The following DDR2 variants were observed in gnomAD, a reference collection of about 807,000 sequenced individuals.
DDR2 encodes discoidin domain-containing receptor 2.
In DDR2, 27 loss-of-function variants were observed where a neutral mutation model predicts 94.9. The observed-to-expected ratio is 0.28, with a 90% CI of 0.21 to 0.39. The LOEUF is 0.39. Among genes scored for constraint, DDR2 ranks in the 10% least tolerant of loss-of-function variants. The probability of loss-of-function intolerance (pLI) is 1.00; values close to 1 mark genes in which losing one functional copy is unlikely to be tolerated. For missense variants in DDR2, 783 were observed against 1,076.0 expected (o/e 0.73, Z 3.81); for synonymous variants, 382 against 377.2 (o/e 1.01, Z -0.15).
intron 1 of DDR2, among the ~76,000 whole-genome samples, chr1:162,642,397 C>G (rs576812031): frequency 2.0e-5 from 3 of 151,918 alleles, no homozygotes; most frequent in South Asian, 4.2e-4. Flanking sequence ...CTCAGCCTCC[C>G]GAGTAGCTGG....
intron 2 of DDR2, among the ~76,000 whole-genome samples, chr1:162,698,293 G>A (rs1279627859): frequency 6.6e-6 from 1 of 152,110 alleles, no homozygotes; most frequent in African/African-American, 2.4e-5. Context: ...TCAGGTAGAC[G>A]CCCTCCTTAC....
intron 14 of DDR2, 21 bp downstream of exon 14, chr1:162,773,617 A>G (rs778124648): frequency 1.6e-5 from 26 of 1,613,254 alleles, no homozygotes; most frequent in Non-Finnish European, 2.2e-5. Context: ...TACATTTTGA[A>G]TTTTCCTTTA....
chr1:162,734,477 A>G (rs1662203174), intron 3 of DDR2, among the ~76,000 whole-genome samples: 1 of 152,230 alleles, frequency 6.6e-6, no homozygotes, highest in Admixed American at 6.5e-5. Context: ...GGCAGACCAA[A>G]ATTAAACAAT....
chr1:162,750,776 T>C (rs1440056886), intron 3 of DDR2, among the ~76,000 whole-genome samples: 13 of 152,190 alleles, frequency 8.5e-5, no homozygotes, highest in Admixed American at 2.0e-4. Context: ...CAAAACAGCA[T>C]GGTACTGGTA....
intron 3 of DDR2, among the ~76,000 whole-genome samples, chr1:162,750,007 G>A (rs1663100109): frequency 6.6e-6 from 1 of 150,974 alleles, no homozygotes; most frequent in South Asian, 2.1e-4. Flanking sequence ...GATGGTAAGA[G>A]CTATTTATGA....
At chr1:162,722,247 G>T (rs1004681482) in intron 3 of DDR2, among the ~76,000 whole-genome samples, 4 of 152,190 alleles carry the variant, frequency 2.6e-5, no homozygotes, top group Non-Finnish European at 5.9e-5. Flanking sequence ...GGCAAAGCAG[G>T]CAGTCAGGCA....
At chr1:162,706,684 T>G (rs893547395) in intron 2 of DDR2, among the ~76,000 whole-genome samples, 1 of 152,014 alleles carries the variant, frequency 6.6e-6, no homozygotes, top group Non-Finnish European at 1.5e-5. Context: ...GGCCAGAAAG[T>G]GGAGAGGAGC....
chr1:162,728,165 TATAG>T (rs1429370492), intron 3 of DDR2, among the ~76,000 whole-genome samples: 5 of 145,410 alleles, frequency 3.4e-5, no homozygotes, highest in South Asian at 2.1e-4. Flanking sequence ...TATATAAATA[TATAG>T]ATAGATATCT....
At chr1:162,636,800 G>A (rs990867909) in intron 1 of DDR2, among the ~76,000 whole-genome samples, 1 of 152,092 alleles carries the variant, frequency 6.6e-6, no homozygotes, top group African/African-American at 2.4e-5. Flanking sequence ...AGCTTAGGTA[G>A]CCAAAATAAT....
At chr1:162,668,742 A>G (rs1658697433) in intron 2 of DDR2, among the ~76,000 whole-genome samples, 1 of 152,208 alleles carries the variant, frequency 6.6e-6, no homozygotes, top group Admixed American at 6.5e-5. Flanking sequence ...AACATCTGCA[A>G]AGACCCTAGT....
chr1:162,742,469 G>A (rs770594436), intron 3 of DDR2, among the ~76,000 whole-genome samples: 1 of 152,176 alleles, frequency 6.6e-6, no homozygotes, highest in Admixed American at 6.5e-5. Context: ...GAGAGAGTGG[G>A]GTGGCGGGGA....
chr1:162,670,318 G>A (rs1386388890), intron 2 of DDR2, among the ~76,000 whole-genome samples: 2 of 152,186 alleles, frequency 1.3e-5, no homozygotes, highest in African/African-American at 2.4e-5. Context: ...ATGTTGGCCA[G>A]GCTGGTCTGG....
intron 1 of DDR2, among the ~76,000 whole-genome samples, chr1:162,641,749 C>A (rs1437032073): frequency 1.3e-5 from 2 of 152,080 alleles, no homozygotes; most frequent in African/African-American, 4.8e-5. Flanking sequence ...CTAAAGAGAG[C>A]TAGGTCATGG....
intron 2 of DDR2, among the ~76,000 whole-genome samples, chr1:162,693,124 A>C (rs529824399): frequency 5.3e-5 from 8 of 152,348 alleles, no homozygotes; most frequent in African/African-American, 1.9e-4. Context: ...AGACAAAACT[A>C]TATGAGGTTA....
Position 162,680,989 on chromosome 1 carries a change from C to T in DDR2, c.-28+25615C>T, listed in dbSNP as rs748553626. On this transcript the variant is annotated intron_variant, in intron 2 of 17. Transcript: ENST00000367921. ...GTGTCCATAGAGACGTGAACATCGA[C>T]GTCTGCTTGTTTTTGTGAGGAAGCA... 3.3e-5 allele frequency among the ~76,000 whole-genome samples: 5 copies of T among 152,200 alleles called. No homozygotes were observed. The East Asian group carries it at 5.8e-4, about 18-fold the overall frequency.
At chr1:162,631,328 C>G (rs1308327719), upstream of DDR2, 1 of 152,130 alleles carries the variant, frequency 6.6e-6, no homozygotes, top group Non-Finnish European at 1.5e-5. Context: ...TTGCTCACTT[C>G]TTTTCTTGCT....
At chr1:162,748,607 G>T (rs1195544771) in intron 3 of DDR2, among the ~76,000 whole-genome samples, 1 of 152,122 alleles carries the variant, frequency 6.6e-6, no homozygotes, top group Non-Finnish European at 1.5e-5. Flanking sequence ...AAGACAGAAA[G>T]TTAACAAGGA....
At chr1:162,673,038 T>C (rs1658944338) in intron 2 of DDR2, among the ~76,000 whole-genome samples, 1 of 152,258 alleles carries the variant, frequency 6.6e-6, no homozygotes, top group Admixed American at 6.5e-5. Context: ...CACATCATTA[T>C]GTACGTTCTT....
Position 162,667,094 on chromosome 1 carries a change from T to C in DDR2, c.-28+11720T>C, listed in dbSNP as rs554987345. ...CTATCTATCTCCAAGTCAATTATTT[T>C]TGAATGATGGCAGAATCATTTGTTG... On this transcript the variant is annotated intron_variant, in intron 2 of 17. Transcript: ENST00000367921. 2.6e-5 allele frequency among the ~76,000 whole-genome samples: 4 copies of C among 152,176 alleles called. No homozygotes were observed. In the East Asian group the frequency reaches 7.7e-4, roughly 29 times the overall value.
Sources: gnomAD v4.1 joint callset for allele counts (sites outside exome capture counted in the v4.1 genomes callset) on GRCh38, gnomAD v4.1.1 for gene constraint, MANE v1.5 for transcripts, NCBI Gene and HGNC (gene_info 2026-07-23, HGNC 2026-07-21) for gene names.